Variants in GPR39 observed in about 807,000 individuals in gnomAD.
The protein encoded by GPR39 is G protein-coupled receptor 39.
In GPR39, 23 loss-of-function variants were observed where a neutral mutation model predicts 18.4. The ratio of observed to expected loss-of-function variants is 1.25; its 90% CI spans 0.90 to 1.77. The LOEUF (loss-of-function observed/expected upper bound fraction) is 1.77. GPR39 is among the 40% of genes most tolerant of loss of function. The probability of loss-of-function intolerance (pLI) is 0.00; values close to 1 mark genes in which losing one functional copy is unlikely to be tolerated. For missense variants in GPR39, 647 were observed against 602.4 expected (o/e 1.07, Z -0.78); for synonymous variants, 280 against 257.9 (o/e 1.09, Z -0.82).
chr2:132,584,547 CCCTTT>C (rs1371176394), intron 1 of GPR39, among the ~76,000 whole-genome samples: 2 of 152,010 alleles, frequency 1.3e-5, no homozygotes, highest in Admixed American at 6.5e-5. Flanking sequence ...AGATCTCTGC[CCCTTT>C]CTGTACCCAC....
intron 1 of GPR39, among the ~76,000 whole-genome samples, chr2:132,583,880 G>A (rs1247638123): frequency 6.6e-6 from 1 of 151,826 alleles, no homozygotes; most frequent in Non-Finnish European, 1.5e-5. Context: ...TGACCTCCAG[G>A]TACACAGCCC....
chr2:132,443,867 C>T (rs186706105), intron 1 of GPR39, among the ~76,000 whole-genome samples: 17 of 152,234 alleles, frequency 1.1e-4, no homozygotes, highest in Admixed American at 6.5e-4. Context: ...CCCAGGTGTT[C>T]GAGACCAACC....
At chr2:132,437,154 C>T (rs1009525543) in intron 1 of GPR39, among the ~76,000 whole-genome samples, 2 of 152,168 alleles carry the variant, frequency 1.3e-5, no homozygotes, top group African/African-American at 4.8e-5. Flanking sequence ...TATAGCAAGA[C>T]AATACACACA....
intron 1 of GPR39, among the ~76,000 whole-genome samples, chr2:132,461,024 T>C (rs983582242): frequency 6.6e-6 from 1 of 152,166 alleles, no homozygotes; most frequent in Non-Finnish European, 1.5e-5. Flanking sequence ...GGTTTGGAGA[T>C]AGGGAACTGG....
intron 1 of GPR39, among the ~76,000 whole-genome samples, chr2:132,576,829 C>A (rs1230265520): frequency 2.6e-5 from 4 of 152,096 alleles, no homozygotes; most frequent in Non-Finnish European, 5.9e-5. Context: ...TGTTTTTTGG[C>A]CTCCGATGTC....
intron 1 of GPR39, among the ~76,000 whole-genome samples, chr2:132,515,602 C>G (rs138023805): frequency 1.0e-3 from 154 of 152,310 alleles, no homozygotes; most frequent in African/African-American, 2.9e-3. Flanking sequence ...TAAGGTCACT[C>G]TGATCTTCTT....
chr2:132,634,846 T>C (rs777447647), intron 1 of GPR39, among the ~76,000 whole-genome samples: 6 of 152,216 alleles, frequency 3.9e-5, no homozygotes, highest in African/African-American at 9.6e-5. Flanking sequence ...GTTATACCCA[T>C]TGACTTGCAT....
chr2:132,607,064 TG>T (rs112289160), intron 1 of GPR39, among the ~76,000 whole-genome samples: 27 of 152,260 alleles, frequency 1.8e-4, no homozygotes, highest in Middle Eastern at 3.4e-3. Flanking sequence ...ATTGAAAGGC[TG>T]GGGGCGGGTA....
At chr2:132,436,568 A>G (rs1159070155) in intron 1 of GPR39, among the ~76,000 whole-genome samples, 1 of 152,188 alleles carries the variant, frequency 6.6e-6, no homozygotes, top group Non-Finnish European at 1.5e-5. Flanking sequence ...AATTTATATC[A>G]CACTTGTCTG....
chr2:132,451,752 A>C (rs1441620631), intron 1 of GPR39, among the ~76,000 whole-genome samples: 2 of 152,176 alleles, frequency 1.3e-5, no homozygotes, highest in Non-Finnish European at 2.9e-5. Context: ...TTAGCTATAG[A>C]AGATAATACA....
At chr2:132,558,512 T>A (rs1680193490) in intron 1 of GPR39, among the ~76,000 whole-genome samples, 1 of 152,146 alleles carries the variant, frequency 6.6e-6, no homozygotes, top group Admixed American at 6.5e-5. Context: ...AGAGATCAGA[T>A]CCTTTCTGAC....
intron 1 of GPR39, among the ~76,000 whole-genome samples, chr2:132,458,269 C>G (rs574241807): frequency 6.6e-6 from 1 of 152,268 alleles, no homozygotes; most frequent in Non-Finnish European, 1.5e-5. Context: ...CTTCTGTATT[C>G]TTACCAGTCT....
chr2:132,575,911 T>G (rs751388080), intron 1 of GPR39, among the ~76,000 whole-genome samples: 5 of 152,150 alleles, frequency 3.3e-5, no homozygotes, highest in Non-Finnish European at 7.4e-5. Flanking sequence ...TTAGTGCCAT[T>G]GTAAAGGAGA....
At chr2:132,576,359 A>G (rs1476173070) in intron 1 of GPR39, among the ~76,000 whole-genome samples, 2 of 152,142 alleles carry the variant, frequency 1.3e-5, no homozygotes, top group Admixed American at 6.5e-5. Flanking sequence ...TTTTGATATC[A>G]AGGCTAAGCC....
intron 1 of GPR39, among the ~76,000 whole-genome samples, chr2:132,542,991 A>T (rs539946703): frequency 6.6e-6 from 1 of 152,198 alleles, no homozygotes; most frequent in South Asian, 2.1e-4. Context: ...CTAACTTCCC[A>T]GGGCTGGAAC....
intron 1 of GPR39, among the ~76,000 whole-genome samples, chr2:132,467,768 G>A (rs145454837): frequency 6.6e-6 from 1 of 152,276 alleles, no homozygotes; most frequent in East Asian, 1.9e-4. Flanking sequence ...TAGTGGCCCA[G>A]AACAGTTAGG....
At chr2:132,634,896 A>G (rs1448876258) in intron 1 of GPR39, among the ~76,000 whole-genome samples, 2 of 152,224 alleles carry the variant, frequency 1.3e-5, no homozygotes, top group African/African-American at 4.8e-5. Context: ...TCACAGACAG[A>G]AACAGAAAAA....
intron 1 of GPR39, among the ~76,000 whole-genome samples, chr2:132,623,390 C>T (rs912081451): frequency 9.9e-5 from 15 of 151,830 alleles, no homozygotes; most frequent in South Asian, 6.2e-4. Flanking sequence ...TGGCCAGGGG[C>T]GCCTGAAGGG....
At chr2:132,440,729 T>G (rs765671017) in intron 1 of GPR39, among the ~76,000 whole-genome samples, 3 of 152,084 alleles carry the variant, frequency 2.0e-5, no homozygotes, top group Non-Finnish European at 4.4e-5. Context: ...AGTTTGAAAC[T>G]TTTTCAGTCA....
Sources: gnomAD v4.1 joint callset for allele counts (sites outside exome capture counted in the v4.1 genomes callset) on GRCh38, gnomAD v4.1.1 for gene constraint, MANE v1.5 for transcripts, NCBI Gene and HGNC (gene_info 2026-07-23, HGNC 2026-07-21) for gene names.